Variants in ANAPC10 observed in about 807,000 individuals in gnomAD.
The protein encoded by ANAPC10 is anaphase-promoting complex subunit 10.
In ANAPC10, 12 loss-of-function variants were observed where a neutral mutation model predicts 22.0. The ratio of observed to expected loss-of-function variants is 0.55; its 90% CI spans 0.35 to 0.88. The LOEUF (loss-of-function observed/expected upper bound fraction) is 0.88, where lower values mean the gene tolerates loss of function less well. ANAPC10 is among the 40% of genes least tolerant of loss of function. The probability of loss-of-function intolerance (pLI) is 0.01; values close to 1 mark genes in which losing one functional copy is unlikely to be tolerated. For synonymous variants in ANAPC10, 65 were observed against 69.5 expected, an observed-to-expected ratio of 0.94 and a Z score of 0.32; for missense variants, 188 against 220.9, an observed-to-expected ratio of 0.85 and a Z score of 0.94.
intron 4 of ANAPC10, among the ~76,000 whole-genome samples, chr4:145,006,111 C>G (rs1021854030): frequency 3.3e-5 from 5 of 152,128 alleles, no homozygotes; most frequent in Admixed American, 6.6e-5. Flanking sequence ...TCTCTAAGAA[C>G]TTGCTTTATG....
intron 1 of ANAPC10, 51 bp downstream of exon 1, chr4:145,098,069 C>T (rs894441855): frequency 3.2e-5 from 5 of 154,366 alleles, no homozygotes; most frequent in Non-Finnish European, 5.8e-5. Context: ...GCGAATGCAT[C>T]TGTTTACGCT....
chr4:145,001,159 T>C (rs915700854), intron 4 of ANAPC10, among the ~76,000 whole-genome samples: 2 of 145,550 alleles, frequency 1.4e-5, no homozygotes, highest in Non-Finnish European at 3.0e-5. Context: ...ATTGTGTACA[T>C]GTACCCTAGA....
chr4:145,027,149 G>A (rs1277724613), intron 4 of ANAPC10, among the ~76,000 whole-genome samples: 16 of 148,476 alleles, frequency 1.1e-4, no homozygotes, highest in Admixed American at 4.0e-4. Context: ...GACTACAGGC[G>A]AGTGCCACCA....
At chr4:145,095,644 C>A (rs1162878453) in intron 2 of ANAPC10, among the ~76,000 whole-genome samples, 1 of 152,174 alleles carries the variant, frequency 6.6e-6, no homozygotes, top group African/African-American at 2.4e-5. Flanking sequence ...TTATCTCTCA[C>A]ATCATCGCAG....
chr4:145,001,304 C>T (rs1233870198), intron 4 of ANAPC10, among the ~76,000 whole-genome samples: 1 of 151,956 alleles, frequency 6.6e-6, no homozygotes, highest in Non-Finnish European at 1.5e-5. Context: ...TTAATTCTGA[C>T]ATGTGCTACA....
intron 4 of ANAPC10, among the ~76,000 whole-genome samples, chr4:145,032,175 G>A (rs1322772909): frequency 6.6e-6 from 1 of 152,196 alleles, no homozygotes; most frequent in Admixed American, 6.5e-5. Flanking sequence ...ATGATATGCA[G>A]GCACCACCTG....
intron 4 of ANAPC10, 87 bp from the exon 5 acceptor site, chr4:144,995,690 T>C (rs1483791053): frequency 2.6e-5 from 23 of 891,938 alleles, no homozygotes; most frequent in Non-Finnish European, 3.9e-5. Context: ...AAATAACTTA[T>C]AATTAACATT....
Position 144,995,591 on chromosome 4 carries a change from C to T in ANAPC10, c.340G>A (p.Val114Met). The change falls in exon 5 of 5, where the codon GTG becomes ATG. Residue 114 changes from valine (V) to methionine (M), a missense_variant. By Grantham distance (21) the Val-to-Met change is conservative (BLOSUM62 1). Transcript: ENST00000507656. ...ACATGAATCCAGCCACTTGGTTCCA[C>T]CAACTCAAGTTGCTGCCAAGGGAAA... ...NLQEIRQLEL[V>M]EPSGWIHVPL... The T allele has an allele frequency of 1.9e-6, 3 of 1,607,340 alleles. No homozygotes were observed. Among genetic ancestry groups the T allele is most frequent in the Non-Finnish European group, 2.5e-6 (3 of 1,177,870 alleles).
chr4:145,010,144 A>G (rs968936777), intron 4 of ANAPC10, among the ~76,000 whole-genome samples: 1 of 152,120 alleles, frequency 6.6e-6, no homozygotes, highest in Non-Finnish European at 1.5e-5. Flanking sequence ...CACCAGTTAG[A>G]ATGGCGATCA....
intron 4 of ANAPC10, among the ~76,000 whole-genome samples, chr4:145,015,852 G>A (rs1212753662): frequency 1.3e-5 from 2 of 152,058 alleles, no homozygotes; most frequent in African/African-American, 4.8e-5. Context: ...CAAATATGAA[G>A]GAAAGATACA....
intron 4 of ANAPC10, among the ~76,000 whole-genome samples, chr4:145,055,575 TTAAA>T (rs1741940044): frequency 6.6e-6 from 1 of 150,440 alleles, no homozygotes; most frequent in East Asian, 2.0e-4. Flanking sequence ...AAAAAAAAAA[TTAAA>T]TAAAAAAAAA....
chr4:145,016,900 G>A (rs1735255093), intron 4 of ANAPC10, among the ~76,000 whole-genome samples: 1 of 152,128 alleles, frequency 6.6e-6, no homozygotes, highest in Non-Finnish European at 1.5e-5. Flanking sequence ...AATGGTGTTG[G>A]GAAAACTGGC....
chr4:145,027,284 G>A (rs1258934464), intron 4 of ANAPC10, among the ~76,000 whole-genome samples: 9 of 151,486 alleles, frequency 5.9e-5, no homozygotes, highest in African/African-American at 1.9e-4. Flanking sequence ...GATTACAGGC[G>A]TGAGCCACCA....
At chr4:145,006,706 A>C (rs1156650314) in intron 4 of ANAPC10, among the ~76,000 whole-genome samples, 1 of 152,140 alleles carries the variant, frequency 6.6e-6, no homozygotes, top group African/African-American at 2.4e-5. Context: ...CATAAATTTC[A>C]TTATTGCTAA....
chr4:145,028,717 T>C (rs1303755306), intron 4 of ANAPC10, among the ~76,000 whole-genome samples: 2 of 152,306 alleles, frequency 1.3e-5, no homozygotes, highest in African/African-American at 2.4e-5. Context: ...GCAAAATAAA[T>C]GTGTTTGACA....
At chr4:145,054,119 G>A (rs2126350122) in intron 4 of ANAPC10, among the ~76,000 whole-genome samples, 2 of 151,528 alleles carry the variant, frequency 1.3e-5, no homozygotes, top group South Asian at 4.2e-4. Context: ...ATGTTGGCCA[G>A]GATGGTCTCC....
intron 2 of ANAPC10, among the ~76,000 whole-genome samples, chr4:145,087,365 C>CA (rs1747047736): frequency 6.6e-6 from 1 of 151,142 alleles, no homozygotes; most frequent in East Asian, 1.9e-4. Context: ...CTGTTTTTTT[C>CA]TTTTTTTTTG....
chr4:144,995,953 G>A (rs34099899), intron 4 of ANAPC10, among the ~76,000 whole-genome samples: 42,110 of 152,156 alleles, frequency 0.28, 7,328 homozygotes, highest in Non-Finnish European at 0.38. Flanking sequence ...TGGCTGACTA[G>A]ACACAAGTAG....
chr4:145,064,880 GC>G (rs1743445393), intron 3 of ANAPC10, among the ~76,000 whole-genome samples, 188 bp from the exon 4 acceptor site: 1 of 151,730 alleles, frequency 6.6e-6, no homozygotes, highest in Non-Finnish European at 1.5e-5. Flanking sequence ...TTAAATATAG[GC>G]CCAGATAATA....
Sources: gnomAD v4.1 joint callset for allele counts (sites outside exome capture counted in the v4.1 genomes callset) on GRCh38, gnomAD v4.1.1 for gene constraint, MANE v1.5 for transcripts, NCBI Gene and HGNC (gene_info 2026-07-23, HGNC 2026-07-21) for gene names.